Variants in OTUD7A observed in about 807,000 individuals in gnomAD.
OTUD7A encodes the protein OTU domain-containing protein 7A.
In OTUD7A, 12 loss-of-function variants were observed where a neutral mutation model predicts 65.7. The ratio of observed to expected loss-of-function variants is 0.18; its 90% confidence interval spans 0.12 to 0.30. The LOEUF is 0.30. Ranked by LOEUF, OTUD7A falls within the 10% of genes least tolerant of loss-of-function variation. The pLI, the probability that OTUD7A is intolerant of heterozygous loss-of-function variation, is 1.00. For missense variants in OTUD7A, 1,148 were observed against 1,304.8 expected (o/e 0.88, Z 1.85); for synonymous variants, 641 against 586.3 (o/e 1.09, Z -1.35).
chr15:31,777,282 C>T (rs892961346), intron 1 of OTUD7A, among the ~76,000 whole-genome samples: 28 of 152,336 alleles, frequency 1.8e-4, no homozygotes, highest in African/African-American at 6.5e-4. Flanking sequence ...CTTATCACCT[C>T]CCTAAGGGCT....
rs1235326013 is a variant in OTUD7A at position 31,762,614 on chromosome 15, G to T, written c.-99-105537C>A. On this transcript the variant is annotated intron_variant, in intron 1 of 12. Transcript: ENST00000307050. ...AGGACTAGCTATCATCCAGGTCCCA[G>T]GCTTGCCACTGAGTGGTGCGTAAGC... Among the ~76,000 whole-genome samples the T allele has an allele frequency of 2.0e-5, 3 of 152,350 alleles. No homozygotes were observed. In the East Asian group the frequency reaches 5.8e-4, roughly 29 times the overall value.
chr15:31,825,830 A>C (rs1276244088), intron 1 of OTUD7A, among the ~76,000 whole-genome samples: 2 of 152,196 alleles, frequency 1.3e-5, no homozygotes, highest in Non-Finnish European at 2.9e-5. Context: ...GGCCAAAACA[A>C]AGGGGCTACA....
chr15:31,559,077 T>C lies in OTUD7A; in HGVS notation c.442A>G (p.Ile148Val), dbSNP rs1227130286. 4.3e-6 allele frequency: 7 copies of C among 1,613,982 alleles called. No homozygotes were observed. The highest frequency in any genetic ancestry group is 2.2e-5 in the East Asian group (1 of 44,892). Residue 148 changes from isoleucine to valine, a missense_variant, in exon 5 of 13, where the codon ATC becomes GTC. Physicochemically the swap from Ile to Val is conservative, Grantham distance 29. Around this residue, in one of 6 missense-constraint regions of OTUD7A, gnomAD observed 134 missense variants for 252.6 expected, o/e 0.53. Transcript: ENST00000307050. ...NNEQFPLEMPIYTFQLPDLSV... is the reference protein window; with the variant it reads ...NNEQFPLEMPVYTFQLPDLSV... ...AGGTCTGGCAACTGGAATGTGTAGA[T>C]TGGCATCTCCAGGGGGAACTGCTCG...
chr15:31,562,670 C>T lies in OTUD7A; in HGVS notation c.332-3483G>A, dbSNP rs79709011. Among the ~76,000 whole-genome samples the T allele has an allele frequency of 3.0e-3, 450 of 152,004 alleles. 5 individuals carry two copies. The highest frequency in any genetic ancestry group is 0.01 in the African/African-American group (428 of 41,462). On this transcript the variant is annotated intron_variant, in intron 4 of 12. Transcript: ENST00000307050. ...GTGTCTTATGACACCTGATTAAAAC[C>T]GATCCTGGGTATATTTTAAAACAGG...
chr15:31,594,781 G>A (rs1373356477), intron 3 of OTUD7A, among the ~76,000 whole-genome samples: 1 of 152,214 alleles, frequency 6.6e-6, no homozygotes, highest in Non-Finnish European at 1.5e-5. Context: ...AGAAGGCTGG[G>A]TACCCAGGAG....
chr15:31,749,673 C>T (rs539049767), intron 1 of OTUD7A, among the ~76,000 whole-genome samples: 70 of 152,168 alleles, frequency 4.6e-4, no homozygotes, highest in African/African-American at 1.7e-3. Context: ...TTTCACCACT[C>T]GTATTCAACA....
intron 7 of OTUD7A, among the ~76,000 whole-genome samples, chr15:31,526,869 C>T (rs2042022329): frequency 6.6e-6 from 1 of 152,200 alleles, no homozygotes; most frequent in Non-Finnish European, 1.5e-5. Context: ...CTGCACCTGA[C>T]AGCAGGCAGT....
At chr15:31,563,280 A>T (rs1355120148) in intron 4 of OTUD7A, among the ~76,000 whole-genome samples, 1 of 152,238 alleles carries the variant, frequency 6.6e-6, no homozygotes, top group African/African-American at 2.4e-5. Context: ...TGCCTGAAAG[A>T]TACCAGCAGC....
Position 31,732,502 on chromosome 15 carries a change from A to G in OTUD7A, c.-99-75425T>C, listed in dbSNP as rs561980559. On this transcript the variant is annotated intron_variant, in intron 1 of 12. Coordinates refer to ENST00000307050, the MANE Select transcript of OTUD7A (RefSeq NM_001382637.1). ...AGCTTAACAGGCTATTGAAACATAC[A>G]ATTCATGTTAGAAAGCTGTTCATAA... Among the ~76,000 whole-genome samples the G allele has an allele frequency of 5.9e-5, 9 of 152,360 alleles. 1 individual carries two copies. In the South Asian group the frequency reaches 1.9e-3, roughly 32 times the overall value.
At chr15:31,699,976 T>C (rs1426822168) in intron 1 of OTUD7A, among the ~76,000 whole-genome samples, 1 of 151,712 alleles carries the variant, frequency 6.6e-6, no homozygotes, top group African/African-American at 2.4e-5. Context: ...CATCACTTAC[T>C]GCGTTCTCTG....
chr15:31,573,975 A>G (rs1889129038), intron 3 of OTUD7A, among the ~76,000 whole-genome samples: 2 of 152,238 alleles, frequency 1.3e-5, no homozygotes, highest in Admixed American at 6.5e-5. Flanking sequence ...ATTTAATAGT[A>G]GAAGGGCAAA....
At position 31,688,360 on chromosome 15, in the gene OTUD7A, T is replaced by A. The variant is rs547844982; in HGVS notation, c.-99-31283A>T. 3.9e-5 allele frequency among the ~76,000 whole-genome samples: 6 copies of A among 152,292 alleles called. No individual in the cohort carries two copies. In the East Asian group the frequency reaches 9.6e-4, roughly 24 times the overall value. On this transcript the variant is annotated intron_variant, in intron 1 of 12. Transcript: ENST00000307050. ...GGAAATGTCTATCTGAATCTAAGTA[T>A]GAGGAAATAATCAGACAGGTCCAGA...
intron 5 of OTUD7A, among the ~76,000 whole-genome samples, chr15:31,546,843 AATG>A (rs1888146205): frequency 6.6e-6 from 1 of 152,258 alleles, no homozygotes; most frequent in South Asian, 2.1e-4. Context: ...GCATAAGCTT[AATG>A]ATAAGCAGAA....
intron 1 of OTUD7A, among the ~76,000 whole-genome samples, chr15:31,791,029 T>C (rs1895800228): frequency 6.6e-6 from 1 of 152,116 alleles, no homozygotes. Flanking sequence ...TTTTTGTTTG[T>C]TTTGTTTTGT....
intron 8 of OTUD7A, among the ~76,000 whole-genome samples, chr15:31,510,501 AACAT>A (rs1461504286): frequency 2.0e-5 from 3 of 147,224 alleles, no homozygotes; most frequent in East Asian, 1.9e-4. Context: ...ATCTATATGT[AACAT>A]ACATATATAT....
intron 1 of OTUD7A, among the ~76,000 whole-genome samples, chr15:31,843,466 T>A (rs1390754468): frequency 6.6e-6 from 1 of 152,202 alleles, no homozygotes; most frequent in Non-Finnish European, 1.5e-5. Context: ...GCTCTTCCTT[T>A]AAAAATGTAT....
rs552346029 is a variant in OTUD7A, at chr15:31,618,054, T to C, written c.151+37042A>G. ...TTTGGTTTTTTGTTCTTGTGATAGT[T>C]TGCTGAGAATGATGGTTTCCAGTTT... On this transcript the variant is annotated intron_variant, in intron 3 of 12. Transcript: ENST00000307050. Among the ~76,000 whole-genome samples the C allele has an allele frequency of 1.2e-3, 190 of 152,276 alleles. 1 individual carries two copies. The highest frequency in any genetic ancestry group is 4.5e-3 in the African/African-American group (187 of 41,546).
At chr15:31,496,504 G>A (rs915397380) in intron 10 of OTUD7A, among the ~76,000 whole-genome samples, 2 of 152,172 alleles carry the variant, frequency 1.3e-5, no homozygotes, top group African/African-American at 4.8e-5. Context: ...TTACAGGCAT[G>A]AGCCACCGCG....
At chr15:31,810,112 G>A (rs144745960) in intron 1 of OTUD7A, among the ~76,000 whole-genome samples, 5 of 152,288 alleles carry the variant, frequency 3.3e-5, no homozygotes, top group Non-Finnish European at 7.3e-5. Flanking sequence ...AGTTCTTCAG[G>A]CAGCTGGAGA....
Sources: gnomAD v4.1 joint callset for allele counts (sites outside exome capture counted in the v4.1 genomes callset) on GRCh38, gnomAD v4.1.1 for gene constraint, gnomAD v4.1.1 regional missense constraint, MANE v1.5 for transcripts, NCBI Gene and HGNC (gene_info 2026-07-23, HGNC 2026-07-21) for gene names.